Variants in SLCO1A2 observed in about 807,000 individuals in gnomAD.
SLCO1A2 encodes the protein solute carrier organic anion transporter family member 1A2.
Under a neutral mutation model 69.0 loss-of-function variants are expected in SLCO1A2, and 67 were observed. That is an observed-to-expected ratio of 0.97 (90% CI 0.80 to 1.19). The LOEUF (loss-of-function observed/expected upper bound fraction) is 1.19. Among genes scored for constraint, SLCO1A2 ranks in the 50% most tolerant of loss-of-function variants. The pLI is 0.00. For missense variants in SLCO1A2, 787 were observed against 793.7 expected, an observed-to-expected ratio of 0.99 and a Z score of 0.10; for synonymous variants, 260 against 265.9, an observed-to-expected ratio of 0.98 and a Z score of 0.22.
rs1471337176 is a variant in SLCO1A2 at position 21,268,952 on chromosome 12, T to A, written c.*596A>T. The A allele has an allele frequency of 6.6e-6, 1 of 151,954 alleles. No homozygotes were observed. Among genetic ancestry groups the A allele is most frequent in the African/African-American group, 2.4e-5 (1 of 41,396 alleles). 9.4% of individuals were successfully genotyped at this position (151,954 alleles called of 1,614,324 possible). A position where few individuals can be genotyped will look rare whatever the true frequency, so the allele number is the denominator to read the frequency against. ...CAGTATTCTGTACAAATTGAGCAAA[T>A]GTATGAGTAATAAAGAAAAGAAAAA... On this transcript the variant is annotated 3_prime_UTR_variant, in exon 15 of 15. Transcript: ENST00000683939.
Position 21,318,838 on chromosome 12 carries a change from C to T in SLCO1A2, c.146G>A (p.Arg49Lys), listed in dbSNP as rs1327810100. The T allele has an allele frequency of 4.3e-6, 7 of 1,610,978 alleles. No individual in the cohort carries two copies. Among genetic ancestry groups the T allele is most frequent in the Non-Finnish European group, 4.2e-6 (5 of 1,178,498 alleles). Reference sequence around the variant, plus strand: ...TAGAGATGTTGGGATGTTGAATTGTCTCTCTATTTGTGTGAGCATGGAATT... The same window carrying T: ...TAGAGATGTTGGGATGTTGAATTGTTTCTCTATTTGTGTGAGCATGGAATT... ...YMNSMLTQIE[R>K]QFNIPTSLVG... Residue 49 changes from arginine to lysine, a missense_variant, in exon 3 of 15, where the codon AGA becomes AAA. By Grantham distance (26) the Arg-to-Lys change is conservative. Transcript: ENST00000683939.
chr12:21,296,603 T>C (rs946223309), intron 9 of SLCO1A2, among the ~76,000 whole-genome samples: 6 of 152,142 alleles, frequency 3.9e-5, no homozygotes, highest in Non-Finnish European at 5.9e-5. Context: ...TTACATTTCA[T>C]GTCTTGCTGC....
chr12:21,313,659 C>T (rs192032419), intron 4 of SLCO1A2, among the ~76,000 whole-genome samples: 8 of 152,078 alleles, frequency 5.3e-5, no homozygotes, highest in Admixed American at 3.3e-4. Context: ...TTCAGTGAAC[C>T]GGGAGATGGC....
At chr12:21,406,630 T>C (rs1941827351) in intron 1 of SLCO1A2, among the ~76,000 whole-genome samples, 1 of 152,176 alleles carries the variant, frequency 6.6e-6, no homozygotes, top group African/African-American at 2.4e-5. Flanking sequence ...CAACAAATGT[T>C]TAAGATAAGT....
In SLCO1A2 at chr12:21,270,391, A is replaced by AT. The variant is rs546610758; in HGVS notation, c.1794-625dup. ...AACTGTAATTTTTATACATTACTAG[A>AT]TTCAATTTATCAATTTTTATGTAGA... On this transcript the variant is annotated intron_variant, in intron 14 of 14. Transcript: ENST00000683939. Among the ~76,000 whole-genome samples, 453 of 151,910 alleles carry AT rather than the reference A, an allele frequency of 3.0e-3. 2 individuals are homozygous for AT. Among genetic ancestry groups the AT allele is most frequent in the African/African-American group, 0.01 (432 of 41,558 alleles).
chr12:21,365,558 G>A (rs1184548007), intron 2 of SLCO1A2, among the ~76,000 whole-genome samples: 1 of 152,064 alleles, frequency 6.6e-6, no homozygotes, highest in Non-Finnish European at 1.5e-5. Context: ...GGAACTAATT[G>A]AACTAAAGAG....
chr12:21,282,405 A>G, intron 12 of SLCO1A2, among the ~76,000 whole-genome samples: 1 of 151,098 alleles, frequency 6.6e-6, no homozygotes, highest in East Asian at 1.9e-4. Context: ...AAAAAAAAAA[A>G]CTCTCAAAAA....
chr12:21,401,094 C>T (rs1367207056), intron 1 of SLCO1A2, among the ~76,000 whole-genome samples: 1 of 151,278 alleles, frequency 6.6e-6, no homozygotes, highest in Non-Finnish European at 1.5e-5. Context: ...CATTATTATT[C>T]ATCACTGTTG....
intron 2 of SLCO1A2, among the ~76,000 whole-genome samples, chr12:21,319,937 A>T: frequency 6.6e-6 from 1 of 152,212 alleles, no homozygotes; most frequent in East Asian, 1.9e-4. Flanking sequence ...TTAAAACAGG[A>T]GCACTGTATA....
intron 3 of SLCO1A2, among the ~76,000 whole-genome samples, chr12:21,315,415 T>C (rs1193689457): frequency 6.6e-6 from 1 of 152,182 alleles, no homozygotes; most frequent in Admixed American, 6.5e-5. Flanking sequence ...GAGTGTGGAA[T>C]AAAGATTTGA....
chr12:21,397,522 C>T (rs949813503), upstream of SLCO1A2, among the ~76,000 whole-genome samples: 114 of 152,204 alleles, frequency 7.5e-4, no homozygotes, highest in African/African-American at 2.5e-3. Context: ...ACCAAGCGGA[C>T]CTAATAGACA....
intron 1 of SLCO1A2, among the ~76,000 whole-genome samples, chr12:21,402,081 A>C (rs528770654): frequency 6.6e-6 from 1 of 151,310 alleles, no homozygotes; most frequent in East Asian, 1.9e-4. Flanking sequence ...AAATGTAAAA[A>C]TTATGTGAAA....
intron 1 of SLCO1A2, among the ~76,000 whole-genome samples, chr12:21,381,572 C>T (rs1412133217): frequency 1.3e-5 from 2 of 151,988 alleles, no homozygotes; most frequent in Non-Finnish European, 2.9e-5. Flanking sequence ...CTGAGGCAGG[C>T]AGATCATGAG....
intron 14 of SLCO1A2, among the ~76,000 whole-genome samples, chr12:21,273,232 C>CT (rs1943190299): frequency 6.6e-6 from 1 of 152,140 alleles, no homozygotes; most frequent in Non-Finnish European, 1.5e-5. Context: ...TCTGCCCAAA[C>CT]TTTGCCCCAA....
At chr12:21,297,984 A>G (rs1947996546) in intron 8 of SLCO1A2, among the ~76,000 whole-genome samples, 1 of 152,170 alleles carries the variant, frequency 6.6e-6, no homozygotes, top group Admixed American at 6.6e-5. Flanking sequence ...AGGAAAATCG[A>G]GTTGATAAAG....
In SLCO1A2 at chr12:21,342,508, A is replaced by G. The variant is rs184699045; in HGVS notation, c.-62-7799T>C. On this transcript the variant is annotated intron_variant, in intron 2 of 15. Transcript: ENST00000307378. ...CTCTTATTTTAACAAATTAAAACAT[A>G]TAGTAAACTCCAATCTACAAATATG... is the stretch of plus-strand genomic sequence containing the variant. Among the ~76,000 whole-genome samples the G allele has an allele frequency of 7.2e-3, 1,098 of 152,180 alleles. 7 individuals carry two copies. Among genetic ancestry groups the G allele is most frequent in the Middle Eastern group, 0.051 (15 of 294 alleles).
intron 1 of SLCO1A2, among the ~76,000 whole-genome samples, chr12:21,380,772 A>T (rs1422492591): frequency 6.6e-6 from 1 of 152,168 alleles, no homozygotes; most frequent in African/African-American, 2.4e-5. Flanking sequence ...AATCATAGGT[A>T]CCCTTGAGTA....
intron 8 of SLCO1A2, among the ~76,000 whole-genome samples, chr12:21,299,850 A>G (rs1035596123): frequency 7.2e-6 from 1 of 138,334 alleles, no homozygotes; most frequent in Non-Finnish European, 1.5e-5. Flanking sequence ...GTATATATAT[A>G]CGTGTATATA....
chr12:21,273,330 T>G (rs981729760), intron 14 of SLCO1A2, among the ~76,000 whole-genome samples: 1 of 152,170 alleles, frequency 6.6e-6, no homozygotes, highest in Non-Finnish European at 1.5e-5. Context: ...CAAGGTCATT[T>G]ACTGTTCCAA....
Sources: gnomAD v4.1 joint callset for allele counts (sites outside exome capture counted in the v4.1 genomes callset) on GRCh38, gnomAD v4.1.1 for gene constraint, MANE v1.5 for transcripts, NCBI Gene and HGNC (gene_info 2026-07-23, HGNC 2026-07-21) for gene names.